Variants in SUGCT observed in about 807,000 individuals in gnomAD.
SUGCT encodes the protein succinyl-CoA:glutarate CoA-transferase.
SUGCT carries 41 observed loss-of-function variants against 55.0 expected under a neutral mutation model. That is an observed-to-expected ratio of 0.74 (90% CI 0.58 to 0.97). The LOEUF (loss-of-function observed/expected upper bound fraction) is 0.97. SUGCT is among the 50% of genes least tolerant of loss of function. The pLI is 0.00. For synonymous variants in SUGCT, 187 were observed against 200.4 expected, an observed-to-expected ratio of 0.93 and a Z score of 0.56; for missense variants, 568 against 547.8, an observed-to-expected ratio of 1.04 and a Z score of -0.37.
chr7:40,448,957 T>C (rs1009976414), intron 9 of SUGCT, among the ~76,000 whole-genome samples: 2 of 148,026 alleles, frequency 1.4e-5, no homozygotes, highest in African/African-American at 5.0e-5. Flanking sequence ...TGTGTATATA[T>C]ATATAGAGAG....
chr7:40,407,615 T>C (rs143857288), intron 9 of SUGCT, among the ~76,000 whole-genome samples: 22 of 152,204 alleles, frequency 1.4e-4, no homozygotes, highest in African/African-American at 5.3e-4. Flanking sequence ...ATGAACAGCA[T>C]TGACAATAAC....
At position 40,237,628 on chromosome 7, in the gene SUGCT, GT is replaced by G; in HGVS notation, c.485-3del. On this transcript the variant is annotated splice_polypyrimidine_tract_variant and splice_region_variant and intron_variant, in intron 6 of 13. Coordinates refer to ENST00000335693, the MANE Select transcript of SUGCT (RefSeq NM_001193313.2). ...GGTGCTGAATATGTTTATTTTTGTTGTTTTAGGGTATGGTCAGACAGGTCCA... is the reference window on the plus strand; with the variant it reads ...GGTGCTGAATATGTTTATTTTTGTTGTTTAGGGTATGGTCAGACAGGTCCA... 6.2e-7 allele frequency: 1 copy of G among 1,613,040 alleles called. No homozygotes were observed.
the SUGCT span, among the ~76,000 whole-genome samples, chr7:40,931,176 T>G: frequency 6.6e-6 from 1 of 152,368 alleles, no homozygotes; most frequent in African/African-American, 2.4e-5. Flanking sequence ...TCTATTAAGA[T>G]AATCATGTGG....
At position 40,189,154 on chromosome 7, in the gene SUGCT, C is replaced by A. The variant is rs1011260731; in HGVS notation, c.313-390C>A. ...GTCAGGAGATCGAGACCATCCTGGC[C>A]AATATGGCGATACCCCGTCTCTACT... is the stretch of plus-strand genomic sequence containing the variant. On this transcript the variant is annotated intron_variant, in intron 4 of 13. Transcript: ENST00000335693. Among the ~76,000 whole-genome samples the A allele has an allele frequency of 8.6e-5, 13 of 152,014 alleles. No individual in the cohort carries two copies. The South Asian group carries it at 2.5e-3, about 29-fold the overall frequency.
At chr7:40,787,806 C>G (rs1243144479) in intron 13 of SUGCT, among the ~76,000 whole-genome samples, 1 of 152,034 alleles carries the variant, frequency 6.6e-6, no homozygotes, top group Non-Finnish European at 1.5e-5. Flanking sequence ...AAAACGGCAG[C>G]CCCACTTCCA....
rs190419702 is a variant in SUGCT, at chr7:40,389,177, G to A, written c.817-60110G>A. 4.1e-3 allele frequency among the ~76,000 whole-genome samples: 618 copies of A among 152,206 alleles called. 9 individuals carry two copies. The highest frequency in any genetic ancestry group is 7.4e-3 in the Non-Finnish European group (503 of 67,988). ...AAAGAAAAGTTACTGAGGCCGGATG[G>A]GATGGCTTATGACTGTAATCCTAGC... On this transcript the variant is annotated intron_variant, in intron 9 of 13. Coordinates refer to ENST00000335693, the MANE Select transcript of SUGCT (RefSeq NM_001193313.2).
At chr7:40,184,857 T>C (rs1318195948) in intron 3 of SUGCT, among the ~76,000 whole-genome samples, 1 of 152,216 alleles carries the variant, frequency 6.6e-6, no homozygotes, top group Non-Finnish European at 1.5e-5. Context: ...TCTTTTTGTT[T>C]GTTTCCTTCT....
intron 12 of SUGCT, among the ~76,000 whole-genome samples, chr7:40,601,835 T>C (rs1025816266): frequency 1.3e-5 from 2 of 152,176 alleles, no homozygotes; most frequent in African/African-American, 4.8e-5. Context: ...AGCCAAAAGA[T>C]TGGACACCCT....
At chr7:40,735,361 TG>T (rs1001010330) in intron 12 of SUGCT, among the ~76,000 whole-genome samples, 1 of 152,188 alleles carries the variant, frequency 6.6e-6, no homozygotes, top group Non-Finnish European at 1.5e-5. Flanking sequence ...TACTTAGTCT[TG>T]GGAAAGGTTG....
At chr7:40,334,648 A>G (rs200749353) in intron 9 of SUGCT, among the ~76,000 whole-genome samples, 3 of 152,132 alleles carry the variant, frequency 2.0e-5, no homozygotes, top group African/African-American at 4.8e-5. Context: ...GATTCTGGAT[A>G]TTAGCTCTTT....
chr7:40,653,166 G>A (rs1283926209), intron 12 of SUGCT, among the ~76,000 whole-genome samples: 2 of 152,138 alleles, frequency 1.3e-5, no homozygotes, highest in African/African-American at 2.4e-5. Flanking sequence ...CTTGACCATG[G>A]CTGGGCAAAG....
rs1189542791 is a variant in SUGCT, at chr7:40,471,522, A to G, written c.986+12324A>G. ...TACAACATATCTAGGGATAACAGTA[A>G]CAAGATGTGTATGGGGCTTACATAC... On this transcript the variant is annotated intron_variant, in intron 11 of 13. Coordinates refer to ENST00000335693, the MANE Select transcript of SUGCT (RefSeq NM_001193313.2). Among the ~76,000 whole-genome samples the G allele has an allele frequency of 3.3e-5, 5 of 152,082 alleles. No homozygotes were observed. In the East Asian group the frequency reaches 9.6e-4, roughly 29 times the overall value.
At chr7:40,411,900 A>T (rs1786716593) in intron 9 of SUGCT, among the ~76,000 whole-genome samples, 1 of 152,180 alleles carries the variant, frequency 6.6e-6, no homozygotes, top group African/African-American at 2.4e-5. Context: ...ATGTACATCT[A>T]TTATGACTCA....
intron 12 of SUGCT, among the ~76,000 whole-genome samples, chr7:40,631,521 C>T (rs1799788064): frequency 1.3e-5 from 2 of 152,190 alleles, no homozygotes; most frequent in Admixed American, 1.3e-4. Flanking sequence ...AAAAGCTAGT[C>T]CTTTCATGAT....
chr7:40,617,569 GA>G (rs1584137730), intron 12 of SUGCT, among the ~76,000 whole-genome samples: 1 of 148,634 alleles, frequency 6.7e-6, no homozygotes, highest in South Asian at 2.2e-4. Context: ...TTAGCTACTT[GA>G]AAAAAAGGCA....
chr7:40,508,994 G>T (rs113174067), intron 12 of SUGCT, among the ~76,000 whole-genome samples: 1,704 of 149,908 alleles, frequency 0.011, 32 homozygotes, highest in African/African-American at 0.035. Flanking sequence ...TTTTTTTTTT[G>T]AAAGAAAAGT....
chr7:40,339,124 G>T (rs189998771), intron 9 of SUGCT, among the ~76,000 whole-genome samples: 29 of 152,298 alleles, frequency 1.9e-4, no homozygotes, highest in Admixed American at 6.5e-4. Flanking sequence ...TCTCAGAGGG[G>T]TACCCAGCCG....
chr7:40,262,530 T>C (rs1584497149), intron 7 of SUGCT, among the ~76,000 whole-genome samples: 2 of 145,910 alleles, frequency 1.4e-5, no homozygotes, highest in Admixed American at 6.9e-5. Context: ...CCGAGCGTGG[T>C]AGTGGGCCCT....
At chr7:40,227,064 T>TTTTTG (rs1491401641) in intron 6 of SUGCT, among the ~76,000 whole-genome samples, 1 of 136,216 alleles carries the variant, frequency 7.3e-6, no homozygotes. Context: ...TTTTTTTTTT[T>TTTTTG]GAGACAGAGT....
Sources: allele counts gnomAD v4.1 joint callset (sites outside exome capture counted in the v4.1 genomes callset), GRCh38; gene constraint gnomAD v4.1.1; transcripts MANE v1.5; gene names NCBI Gene and HGNC (gene_info 2026-07-23, HGNC 2026-07-21).